TUT4: variants seen among roughly 807,000 people sequenced by gnomAD.
TUT4 encodes terminal uridylyl transferase 4.
A neutral mutation model predicts 192.2 loss-of-function variants in TUT4; 36 were observed. The ratio of observed to expected loss-of-function variants is 0.19; its 90% CI spans 0.14 to 0.25. TUT4 has a LOEUF of 0.25. TUT4 is among the 10% of genes least tolerant of loss of function. The pLI is 1.00. For missense variants in TUT4, 1,493 were observed against 1,957.2 expected (o/e 0.76, Z 4.47); for synonymous variants, 618 against 666.0 (o/e 0.93, Z 1.11).
chr1:52,518,390 G>C (rs955140581), intron 2 of TUT4, among the ~76,000 whole-genome samples: 1 of 152,216 alleles, frequency 6.6e-6, no homozygotes, highest in East Asian at 1.9e-4. Flanking sequence ...TGTCTGGTGA[G>C]GGCTCTCTCC....
chr1:52,495,474 C>A lies in TUT4; in HGVS notation c.1219G>T (p.Ala407Ser). The change falls in exon 6 of 30, where the codon GCT becomes TCT. Residue 407 changes from alanine to serine, a missense_variant. Physicochemically the swap from Ala to Ser is moderately conservative, Grantham distance 99 (BLOSUM62 1). Around this residue, in one of 7 missense-constraint regions of TUT4, gnomAD observed 437 missense variants for 577.6 expected, o/e 0.76. Transcript: ENST00000257177. ...RLYGSSLTRF[A>S]LKSSDVNIDI... ...ATATTAACATCACTACTTTTCAGAG[C>A]AAATCTAGTCAGAGATGAGCCATAC... 1.9e-6 allele frequency: 3 copies of A among 1,610,134 alleles called. No homozygotes were observed. Among genetic ancestry groups the A allele is most frequent in the South Asian group, 1.1e-5 (1 of 90,536 alleles).
intron 20 of TUT4, among the ~76,000 whole-genome samples, chr1:52,453,337 G>A (rs1017354726): frequency 5.3e-5 from 8 of 151,456 alleles, no homozygotes; most frequent in Non-Finnish European, 1.2e-4. Flanking sequence ...AGCAGAGATT[G>A]CAACACTGCA....
intron 2 of TUT4, among the ~76,000 whole-genome samples, chr1:52,520,788 ATATTT>A (rs988344363): frequency 3.3e-5 from 5 of 151,562 alleles, no homozygotes; most frequent in Non-Finnish European, 7.4e-5. Context: ...CTTACTCTCT[ATATTT>A]TATTTTCTTT....
intron 24 of TUT4, 114 bp from the exon 25 acceptor site, chr1:52,438,449 CA>C (rs2148300841): frequency 1.5e-6 from 1 of 674,968 alleles, no homozygotes; most frequent in East Asian, 2.8e-5. Context: ...ATAACAGCAA[CA>C]AATATTTCAC....
In TUT4 at chr1:52,435,396, T is replaced by G. The variant is rs777003625; in HGVS notation, c.4232A>C (p.Gln1411Pro). 1.2e-6 allele frequency: 2 copies of G among 1,614,238 alleles called. No homozygotes were observed. Among genetic ancestry groups the G allele is most frequent in the South Asian group, 2.2e-5 (2 of 91,092 alleles). Residue 1411 changes from glutamine (Q) to proline (P), a missense_variant, in exon 27 of 30, where the codon CAG becomes CCG. Gln to Pro is a moderately conservative substitution (Grantham distance 76). This residue lies in a region of TUT4 where 351 missense variants were observed against 397.8 expected (regional missense o/e 0.88). Coordinates refer to ENST00000257177, the MANE Select transcript of TUT4 (RefSeq NM_001009881.3). ...VAGSAQQQGDQSIRTRQSSEC... is the reference protein window; with the variant it reads ...VAGSAQQQGDPSIRTRQSSEC... ...TGATGACTGTCTAGTCCTTATGGACTGATCACCCTGTTGCTGAGCTGAACC... is the reference window on the plus strand; with the variant it reads ...TGATGACTGTCTAGTCCTTATGGACGGATCACCCTGTTGCTGAGCTGAACC...
chr1:52,534,110 G>A (rs1026524969), intron 1 of TUT4, among the ~76,000 whole-genome samples: 3 of 152,206 alleles, frequency 2.0e-5, no homozygotes, highest in African/African-American at 7.2e-5. Flanking sequence ...CTAAGGAGAA[G>A]AGGTAACTTA....
chr1:52,442,434 G>A (rs1370321614), intron 24 of TUT4, among the ~76,000 whole-genome samples: 2 of 152,144 alleles, frequency 1.3e-5, no homozygotes, highest in Non-Finnish European at 2.9e-5. Flanking sequence ...AGTGAAATAG[G>A]TATGAAGTAT....
chr1:52,536,211 A>G (rs1424393994), intron 1 of TUT4, among the ~76,000 whole-genome samples: 1 of 152,250 alleles, frequency 6.6e-6, no homozygotes. Context: ...AACTATATAA[A>G]GATGTAATCT....
intron 1 of TUT4, among the ~76,000 whole-genome samples, chr1:52,545,053 T>TC (rs35975184): frequency 0.075 from 8,474 of 112,376 alleles, 267 homozygotes; most frequent in African/African-American, 0.14. Context: ...TGAGACCTTG[T>TC]CCCCAAAAAA....
At chr1:52,541,164 A>C (rs909341703) in intron 1 of TUT4, among the ~76,000 whole-genome samples, 1 of 149,838 alleles carries the variant, frequency 6.7e-6, no homozygotes, top group Non-Finnish European at 1.5e-5. Flanking sequence ...AGCCAAGATC[A>C]CGCGACTGCA....
chr1:52,426,049 A>C (rs1278909157), intron 28 of TUT4, among the ~76,000 whole-genome samples: 1 of 152,196 alleles, frequency 6.6e-6, no homozygotes, highest in Non-Finnish European at 1.5e-5. Context: ...ACCTTAGTAC[A>C]TCATGCAAAG....
In TUT4 at chr1:52,475,030, G is replaced by C. The variant is rs777030764; in HGVS notation, c.2529C>G (p.Asp843Glu). 21 of 1,614,138 alleles carry C rather than the reference G, an allele frequency of 1.3e-5. No individual in the cohort carries two copies. The highest frequency in any genetic ancestry group is 1.7e-5 in the Non-Finnish European group (20 of 1,180,024). Residue 843 changes from aspartate to glutamate, a missense_variant, in exon 13 of 30, where the codon GAC (aspartate) becomes GAG (glutamate). This residue lies in a region of TUT4 where 245 missense variants were observed against 218.4 expected (regional missense o/e 1.12). Transcript: ENST00000257177. ...AGTCTGTTCCAGTAGATTTATCTGGGTCAGGCGACTTAGACAAATCAATGC... is the reference window on the plus strand; with the variant it reads ...AGTCTGTTCCAGTAGATTTATCTGGCTCAGGCGACTTAGACAAATCAATGC... ...CNCIDLSKSP[D>E]PDKSTGTDCR...
intron 6 of TUT4, 142 bp from the exon 7 acceptor site, chr1:52,493,804 T>G (rs1248889726): frequency 3.3e-6 from 2 of 607,566 alleles, no homozygotes; most frequent in Non-Finnish European, 5.8e-6. Context: ...AGAATCGTGT[T>G]TTTTTTTTGT....
chr1:52,423,989 G>C lies in TUT4; in HGVS notation c.4884C>G (p.Thr1628=), dbSNP rs1410133467. The C allele has an allele frequency of 6.2e-7, 1 of 1,611,966 alleles. No homozygotes were observed. The highest frequency in any genetic ancestry group is 1.3e-5 in the African/African-American group (1 of 74,990). Residue 1628 remains threonine (T), a synonymous_variant, in exon 30 of 30, where the codon ACC becomes ACG. Coordinates refer to ENST00000257177, the MANE Select transcript of TUT4 (RefSeq NM_001009881.3). ...KPFYTQDRCA[T]RRCRERCPHP... ...GGGGACAACGCTCTCTACACCGACGGGTGGCACATCTGTCTGTTGGATACA... is the reference window on the plus strand; with the variant it reads ...GGGGACAACGCTCTCTACACCGACGCGTGGCACATCTGTCTGTTGGATACA...
At position 52,552,950 on chromosome 1, in the gene TUT4, C is replaced by G. The variant is rs1171602010; in HGVS notation, c.-113G>C. On this transcript the variant is annotated 5_prime_UTR_variant, in exon 1 of 30. Transcript: ENST00000257177. ...TCGTACCTGCGAGGCCCGCGAGCTA[C>G]AGGCGCGCGCGACGCCTCCTCATCT... The G allele has an allele frequency of 1.3e-5, 2 of 153,314 alleles. No homozygotes were observed. Among genetic ancestry groups the G allele is most frequent in the Non-Finnish European group, 2.9e-5 (2 of 68,148 alleles). 9.5% of individuals were successfully genotyped at this position (153,314 alleles called of 1,614,324 possible).
At chr1:52,440,714 C>A (rs1655278947) in intron 24 of TUT4, among the ~76,000 whole-genome samples, 1 of 152,128 alleles carries the variant, frequency 6.6e-6, no homozygotes, top group Non-Finnish European at 1.5e-5. Context: ...GCGGCCTACA[C>A]CTGAGGCCAA....
At chr1:52,493,921 G>A (rs539752678) in intron 6 of TUT4, among the ~76,000 whole-genome samples, 7 of 150,322 alleles carry the variant, frequency 4.7e-5, no homozygotes, top group Admixed American at 1.3e-4. Flanking sequence ...TCAGCATCCC[G>A]AGTAGCTAGG....
At chr1:52,440,459 G>C (rs890802217) in intron 24 of TUT4, among the ~76,000 whole-genome samples, 15 of 112,798 alleles carry the variant, frequency 1.3e-4, no homozygotes, top group African/African-American at 5.2e-4. Context: ...TTTTTTTAAA[G>C]ACAAGAGATA....
intron 4 of TUT4, among the ~76,000 whole-genome samples, chr1:52,502,934 G>T (rs79110910): frequency 0.012 from 1,860 of 152,030 alleles, 34 homozygotes; most frequent in African/African-American, 0.043. Flanking sequence ...CATTAAGTAA[G>T]CACTCTTCGC....
Sources: allele counts gnomAD v4.1 joint callset (sites outside exome capture counted in the v4.1 genomes callset), GRCh38; gene constraint gnomAD v4.1.1; regional missense constraint gnomAD v4.1.1; transcripts MANE v1.5; gene names NCBI Gene and HGNC (gene_info 2026-07-23, HGNC 2026-07-21).